RPSA2: variants seen among roughly 807,000 people sequenced by gnomAD.
The protein encoded by RPSA2 is ribosomal protein SA 2.
chr19:23,821,148 C>T, the RPSA2 span, among the ~76,000 whole-genome samples: 1 of 152,224 alleles, frequency 6.6e-6, no homozygotes, highest in African/African-American at 2.4e-5. Context: ...ATGGTGCCCT[C>T]TCTGATCGAT....
chr19:23,866,064 G>C, the RPSA2 span, among the ~76,000 whole-genome samples: 2 of 152,170 alleles, frequency 1.3e-5, no homozygotes, highest in African/African-American at 4.8e-5. Context: ...CACTACAGAG[G>C]AAATGTTGAT....
At chr19:23,819,720 AGTTT>A in the RPSA2 span, among the ~76,000 whole-genome samples, 1 of 152,130 alleles carries the variant, frequency 6.6e-6, no homozygotes, top group Non-Finnish European at 1.5e-5. Context: ...GTGAATACCC[AGTTT>A]GTTTGGTGGG....
At chr19:23,857,657 A>AT in the RPSA2 span, among the ~76,000 whole-genome samples, 143,583 of 147,194 alleles carry the variant, frequency 0.98, 70,109 homozygotes, top group Non-Finnish European at 1. Context: ...CACCTAGCTA[A>AT]TTTTTTTTTT....
the RPSA2 span, among the ~76,000 whole-genome samples, chr19:23,856,403 C>T: frequency 0.013 from 1,930 of 152,232 alleles, 21 homozygotes; most frequent in Non-Finnish European, 0.019. Flanking sequence ...ACTCAAACTC[C>T]TCCCTGTTTT....
the RPSA2 span, among the ~76,000 whole-genome samples, chr19:23,849,977 TG>T: frequency 6.6e-6 from 1 of 152,136 alleles, no homozygotes; most frequent in Non-Finnish European, 1.5e-5. Context: ...CCGGTTCTCT[TG>T]TAGTTAATCT....
chr19:23,825,228 T>A, the RPSA2 span, among the ~76,000 whole-genome samples: 5 of 152,238 alleles, frequency 3.3e-5, no homozygotes, highest in Non-Finnish European at 5.9e-5. Context: ...TCTGCCTGCC[T>A]TGGCCTCCCA....
At chr19:23,855,883 G>A in the RPSA2 span, among the ~76,000 whole-genome samples, 56,344 of 151,844 alleles carry the variant, frequency 0.37, 11,059 homozygotes, top group East Asian at 0.53. Context: ...AGGTGGCTCC[G>A]GAGGCAAAGA....
chr19:23,786,778 C>T, the RPSA2 span, among the ~76,000 whole-genome samples: 8 of 151,600 alleles, frequency 5.3e-5, no homozygotes, highest in Non-Finnish European at 8.8e-5. Flanking sequence ...TTTCAGGCTC[C>T]GCATATTTGG....
chr19:23,841,591 C>CG, the RPSA2 span, among the ~76,000 whole-genome samples: 7 of 152,290 alleles, frequency 4.6e-5, no homozygotes, highest in Middle Eastern at 3.4e-3. Flanking sequence ...CCAACCCAAT[C>CG]GGAGGTCTGA....
the RPSA2 span, chr19:23,832,036 A>G: frequency 1.4e-5 from 6 of 439,620 alleles, no homozygotes; most frequent in Non-Finnish European, 2.7e-5. Flanking sequence ...GAAAATTCAT[A>G]CTGAACAGAA....
At chr19:23,790,324 G>A in the RPSA2 span, among the ~76,000 whole-genome samples, 1 of 152,014 alleles carries the variant, frequency 6.6e-6, no homozygotes, top group African/African-American at 2.4e-5. Context: ...ATAATTTTAT[G>A]TATTGTTAAT....
At chr19:23,860,868 C>T in the RPSA2 span, among the ~76,000 whole-genome samples, 8 of 152,146 alleles carry the variant, frequency 5.3e-5, no homozygotes, top group African/African-American at 1.9e-4. Context: ...TAAGTGTCTA[C>T]CACAATGCAA....
At chr19:23,864,087 C>T in the RPSA2 span, among the ~76,000 whole-genome samples, 1 of 152,138 alleles carries the variant, frequency 6.6e-6, no homozygotes, top group East Asian at 1.9e-4. Flanking sequence ...CTCTCTCATT[C>T]CAAGGCAGAG....
the RPSA2 span, among the ~76,000 whole-genome samples, chr19:23,851,754 G>T: frequency 6.6e-6 from 1 of 152,128 alleles, no homozygotes; most frequent in Non-Finnish European, 1.5e-5. Flanking sequence ...ACGCTGTAAC[G>T]GCCTCAGGAA....
the RPSA2 span, chr19:23,809,208 G>A: frequency 2.6e-5 from 4 of 151,956 alleles, no homozygotes; most frequent in Admixed American, 2.0e-4. Flanking sequence ...GACGGTTTCT[G>A]TTTCACTGGT....
At chr19:23,827,773 C>G in the RPSA2 span, 7 of 1,589,222 alleles carry the variant, frequency 4.4e-6, no homozygotes, top group South Asian at 7.7e-5. Flanking sequence ...TGTACTTCTA[C>G]AGAGATCCTG....
At chr19:23,828,936 GACAC>G in the RPSA2 span, among the ~76,000 whole-genome samples, 2,023 of 148,236 alleles carry the variant, frequency 0.014, 36 homozygotes, top group African/African-American at 0.042. Context: ...CCTAATGTGA[GACAC>G]ACACACACAC....
chr19:23,824,084 T>G, the RPSA2 span, among the ~76,000 whole-genome samples: 1 of 152,272 alleles, frequency 6.6e-6, no homozygotes, highest in African/African-American at 2.4e-5. Flanking sequence ...GTACAGGGCT[T>G]GTCTTTTATA....
the RPSA2 span, among the ~76,000 whole-genome samples, chr19:23,848,702 G>A: frequency 6.6e-6 from 1 of 152,190 alleles, no homozygotes; most frequent in Non-Finnish European, 1.5e-5. Context: ...ATTTGCATGT[G>A]ATGATCGAGA....
Sources: gnomAD v4.1 joint callset for allele counts (sites outside exome capture counted in the v4.1 genomes callset) on GRCh38, gnomAD v4.1.1 for gene constraint, MANE v1.5 for transcripts, NCBI Gene and HGNC (gene_info 2026-07-23, HGNC 2026-07-21) for gene names.